SSBP2: variants seen among roughly 807,000 people sequenced by gnomAD.
SSBP2 encodes single stranded DNA binding protein 2.
A neutral mutation model predicts 61.8 loss-of-function variants in SSBP2; 17 were observed. The ratio of observed to expected loss-of-function variants is 0.28; its 90% CI spans 0.19 to 0.41. The LOEUF (loss-of-function observed/expected upper bound fraction) is 0.41, where lower values mean the gene tolerates loss of function less well. Ranked by LOEUF, SSBP2 falls within the 10% of genes least tolerant of loss-of-function variation. The pLI, the probability that SSBP2 is intolerant of heterozygous loss-of-function variation, is 1.00. For synonymous variants in SSBP2, 139 were observed against 141.3 expected (o/e 0.98, Z 0.12); for missense variants, 310 against 458.7 (o/e 0.68, Z 2.96).
At chr5:81,727,533 G>C (rs1476531364) in intron 1 of SSBP2, among the ~76,000 whole-genome samples, 2 of 150,828 alleles carry the variant, frequency 1.3e-5, no homozygotes, top group Non-Finnish European at 3.0e-5. Flanking sequence ...TGAGCAACAA[G>C]AGCAAAACTC....
chr5:81,610,931 T>A (rs572519153), intron 4 of SSBP2, among the ~76,000 whole-genome samples: 1 of 151,926 alleles, frequency 6.6e-6, no homozygotes, highest in South Asian at 2.1e-4. Flanking sequence ...GAGGCGGAGG[T>A]TGTGGTGAGC....
chr5:81,632,770 CTTCTTT>C (rs1030071265), intron 3 of SSBP2, among the ~76,000 whole-genome samples: 1 of 152,208 alleles, frequency 6.6e-6, no homozygotes, highest in Non-Finnish European at 1.5e-5. Flanking sequence ...AAATGAAAAA[CTTCTTT>C]TTCTAACCTA....
chr5:81,571,043 A>G (rs765064780), intron 4 of SSBP2, among the ~76,000 whole-genome samples: 54 of 152,228 alleles, frequency 3.5e-4, no homozygotes, highest in Non-Finnish European at 1.0e-4. Context: ...TCTAGACAGT[A>G]GATACTTCAG....
At chr5:81,743,700 G>A (rs1184735297) in intron 1 of SSBP2, among the ~76,000 whole-genome samples, 1 of 152,274 alleles carries the variant, frequency 6.6e-6, no homozygotes, top group East Asian at 1.9e-4. Context: ...TAAGGGATAA[G>A]AAGATGTCTC....
At chr5:81,551,635 G>A (rs1772196969) in intron 4 of SSBP2, among the ~76,000 whole-genome samples, 1 of 152,052 alleles carries the variant, frequency 6.6e-6, no homozygotes, top group Non-Finnish European at 1.5e-5. Context: ...TAAAAGAAAT[G>A]TAACTGCATT....
chr5:81,628,018 T>C (rs1439997535), intron 3 of SSBP2, among the ~76,000 whole-genome samples: 1 of 151,836 alleles, frequency 6.6e-6, no homozygotes, highest in East Asian at 1.9e-4. Flanking sequence ...CGAGCTATGA[T>C]TGTGCCACTG....
intron 2 of SSBP2, among the ~76,000 whole-genome samples, chr5:81,641,518 A>T (rs1277271158): frequency 6.6e-6 from 1 of 152,200 alleles, no homozygotes; most frequent in African/African-American, 2.4e-5. Flanking sequence ...TATTGAATGA[A>T]CCACACTTAA....
At chr5:81,610,405 G>C (rs1033632878) in intron 4 of SSBP2, among the ~76,000 whole-genome samples, 1 of 152,134 alleles carries the variant, frequency 6.6e-6, no homozygotes, top group African/African-American at 2.4e-5. Context: ...ACATTTTTAA[G>C]GTAAGTTTGA....
intron 4 of SSBP2, among the ~76,000 whole-genome samples, chr5:81,559,554 T>A (rs1248994555): frequency 3.3e-5 from 5 of 151,526 alleles, no homozygotes; most frequent in East Asian, 3.9e-4. Flanking sequence ...GGAAAAAAAA[T>A]TATTTATAAT....
At chr5:81,435,507 A>G (rs1358167507) in intron 15 of SSBP2, among the ~76,000 whole-genome samples, 1 of 152,204 alleles carries the variant, frequency 6.6e-6, no homozygotes, top group Non-Finnish European at 1.5e-5. Context: ...AGGCAAGAGA[A>G]TGTTATGAGG....
intron 4 of SSBP2, among the ~76,000 whole-genome samples, chr5:81,586,408 C>T (rs1775057177): frequency 6.6e-6 from 1 of 151,898 alleles, no homozygotes; most frequent in Admixed American, 6.6e-5. Context: ...GCCTTTTAAA[C>T]AAACAATAGT....
At chr5:81,644,427 G>A (rs1174910615) in intron 2 of SSBP2, among the ~76,000 whole-genome samples, 1 of 152,118 alleles carries the variant, frequency 6.6e-6, no homozygotes, top group Non-Finnish European at 1.5e-5. Context: ...GGTCTGGAAG[G>A]ATTCAGAAAA....
At chr5:81,478,399 G>C (rs1765739026) in intron 6 of SSBP2, among the ~76,000 whole-genome samples, 1 of 151,918 alleles carries the variant, frequency 6.6e-6, no homozygotes, top group Non-Finnish European at 1.5e-5. Flanking sequence ...GGAGTGCAGT[G>C]GTGCAATCTC....
At chr5:81,565,439 G>T (rs963257400) in intron 4 of SSBP2, among the ~76,000 whole-genome samples, 1 of 151,978 alleles carries the variant, frequency 6.6e-6, no homozygotes, top group Non-Finnish European at 1.5e-5. Context: ...AGATCAAAAG[G>T]TAAGTTTTAA....
chr5:81,659,633 T>C lies in SSBP2; in HGVS notation c.63-9294A>G, dbSNP rs143839691. ...TAATGCTATTCCCATCAAGCTACCATTGACTTTCTTCACAGAACTAAAAAA... is the reference window on the plus strand; with the variant it reads ...TAATGCTATTCCCATCAAGCTACCACTGACTTTCTTCACAGAACTAAAAAA... On this transcript the variant is annotated intron_variant, in intron 1 of 16. Coordinates refer to ENST00000320672, the MANE Select transcript of SSBP2 (RefSeq NM_012446.5). Among the ~76,000 whole-genome samples the C allele has an allele frequency of 4.1e-4, 62 of 152,228 alleles. No homozygotes were observed. In the Middle Eastern group the frequency reaches 0.01, roughly 25 times the overall value.
intron 15 of SSBP2, among the ~76,000 whole-genome samples, chr5:81,429,484 T>C (rs1415887423): frequency 2.6e-5 from 4 of 152,144 alleles, no homozygotes; most frequent in Admixed American, 1.3e-4. Flanking sequence ...TCCACATCAA[T>C]AGGAAATGTA....
At chr5:81,637,705 T>C (rs1338547140) in intron 2 of SSBP2, among the ~76,000 whole-genome samples, 1 of 152,162 alleles carries the variant, frequency 6.6e-6, no homozygotes, top group Non-Finnish European at 1.5e-5. Flanking sequence ...GGTTAGTACA[T>C]GAAAATCACT....
chr5:81,693,401 T>C (rs1254483257), intron 1 of SSBP2, among the ~76,000 whole-genome samples: 3 of 152,084 alleles, frequency 2.0e-5, no homozygotes, highest in African/African-American at 7.2e-5. Flanking sequence ...ATCCGCAGAA[T>C]GGGAGAAAAT....
chr5:81,497,385 G>A (rs1490743739), intron 5 of SSBP2, among the ~76,000 whole-genome samples: 2 of 152,172 alleles, frequency 1.3e-5, no homozygotes, highest in African/African-American at 4.8e-5. Flanking sequence ...GGTTGCTTCA[G>A]TAGCTGGCCC....
Sources: gnomAD v4.1 joint callset for allele counts (sites outside exome capture counted in the v4.1 genomes callset) on GRCh38, gnomAD v4.1.1 for gene constraint, MANE v1.5 for transcripts, NCBI Gene and HGNC (gene_info 2026-07-23, HGNC 2026-07-21) for gene names.